The following SLC25A39 variants were observed in gnomAD, a reference collection of about 807,000 sequenced individuals.
SLC25A39 encodes solute carrier family 25 member 39.
Under a neutral mutation model 46.6 loss-of-function variants are expected in SLC25A39, and 44 were observed. The ratio of observed to expected loss-of-function variants is 0.94; its 90% CI spans 0.74 to 1.21. The LOEUF (loss-of-function observed/expected upper bound fraction) is 1.21, where lower values mean the gene tolerates loss of function less well. SLC25A39 is among the 50% of genes most tolerant of loss of function. The probability of loss-of-function intolerance (pLI) is 0.00; values close to 1 mark genes in which losing one functional copy is unlikely to be tolerated. For missense variants in SLC25A39, 487 were observed against 473.0 expected (o/e 1.03, Z -0.28); for synonymous variants, 218 against 190.6 (o/e 1.14, Z -1.19).
At position 44,323,254 on chromosome 17, in the gene SLC25A39, C is replaced by T. The variant is rs781225111; in HGVS notation, c.145+30G>A. 4 of 1,613,084 alleles carry T rather than the reference C, an allele frequency of 2.5e-6. No homozygotes were observed. The South Asian group carries it at 3.3e-5, about 13-fold the overall frequency. ...AGATCTTTCTTTTGCCCAGGCACCACCCCTCACTAGTTCCAGGTCAGGTAC... is the reference window on the plus strand; with the variant it reads ...AGATCTTTCTTTTGCCCAGGCACCATCCCTCACTAGTTCCAGGTCAGGTAC... On this transcript the variant is annotated intron_variant, in intron 3 of 11. Coordinates refer to ENST00000377095, the MANE Select transcript of SLC25A39 (RefSeq NM_001143780.3).
At chr17:44,323,622 G>A (rs2048132483) in intron 1 of SLC25A39, 45 bp from the exon 2 acceptor site, 1 of 1,400,050 alleles carries the variant, frequency 7.1e-7, no homozygotes, top group Non-Finnish European at 9.8e-7. Flanking sequence ...GGGATGGCAG[G>A]AAAGGAGGCT....
At chr17:44,322,250 A>G (rs1358079244) in intron 5 of SLC25A39, among the ~76,000 whole-genome samples, 169 bp downstream of exon 5, 1 of 152,170 alleles carries the variant, frequency 6.6e-6, no homozygotes, top group Non-Finnish European at 1.5e-5. Flanking sequence ...CTCTGTCTAA[A>G]AGAAAACAAA....
In SLC25A39 at chr17:44,323,547, G is replaced by C; in HGVS notation, c.16C>G (p.Pro6Ala). 1.9e-6 allele frequency: 3 copies of C among 1,572,846 alleles called. No homozygotes were observed. Among genetic ancestry groups the C allele is most frequent in the Non-Finnish European group, 2.6e-6 (3 of 1,159,252 alleles). The change falls in exon 2 of 12, where the codon CCT (proline) becomes GCT (alanine). Residue 6 changes from proline (P) to alanine (A), a missense_variant. Coordinates refer to ENST00000377095, the MANE Select transcript of SLC25A39 (RefSeq NM_001143780.3). ...TGCTGGAGGGGGCTGATGCCCGCAG[G>C]GTCCTGGTCAGCCATCTTGAAGCTT... MADQDPAGISPLQQMV... is the reference protein window; with the variant it reads MADQDAAGISPLQQMV...
At position 44,320,282 on chromosome 17, in the gene SLC25A39, A is replaced by C; in HGVS notation, c.884-6T>G. The C allele has an allele frequency of 6.2e-7, 1 of 1,613,664 alleles. No individual in the cohort carries two copies. The highest frequency in any genetic ancestry group is 2.2e-5 in the East Asian group (1 of 44,880). On this transcript the variant is annotated splice_region_variant and splice_polypyrimidine_tract_variant and intron_variant, in intron 10 of 11. Transcript: ENST00000377095. ...GTCCACATGCAGGGGGTTCACTGCA[A>C]ACGCGAGGCCGGCTCAGTGAGACCC...
chr17:44,323,438 C>CG, intron 2 of SLC25A39, 40 bp downstream of exon 2: 4 of 1,257,694 alleles, frequency 3.2e-6, no homozygotes, highest in Non-Finnish European at 4.4e-6. Context: ...CGGTCTGCCC[C>CG]ATCCCCACCC....
Position 44,322,539 on chromosome 17 carries a change from G to A in SLC25A39, c.204C>T (p.Leu68=). 5 of 1,614,136 alleles carry A rather than the reference G, an allele frequency of 3.1e-6. No homozygotes were observed. The highest frequency in any genetic ancestry group is 3.4e-6 in the Non-Finnish European group (4 of 1,180,002). ...SLSYTKLPSS[L]QSTGKCLLYC... ...ACAGGAGGCACTTCCCTGTGGATTG[G>A]AGAGAGGAGGGCACTGGGGAAAGGC... Residue 68 remains leucine (L), a synonymous_variant, in exon 5 of 12, where the codon CTC becomes CTT. Coordinates refer to ENST00000377095, the MANE Select transcript of SLC25A39 (RefSeq NM_001143780.3).
rs958077220 is a variant in SLC25A39 at position 44,323,166 on chromosome 17, A to G, written c.145+118T>C. 1.6e-5 allele frequency: 20 copies of G among 1,240,342 alleles called. No homozygotes were observed. In the Middle Eastern group the frequency reaches 7.6e-4, roughly 47 times the overall value. 76.8% of individuals were successfully genotyped at this position (1,240,342 alleles called of 1,614,324 possible). A position where few individuals can be genotyped will look rare whatever the true frequency, so the allele number is the denominator to read the frequency against. ...TTGAACTCCTGATCTCAGGTGATCCACCCACCTCAGCCTCCCAAAGCGCTG... is the reference window on the plus strand; with the variant it reads ...TTGAACTCCTGATCTCAGGTGATCCGCCCACCTCAGCCTCCCAAAGCGCTG... On this transcript the variant is annotated intron_variant, in intron 3 of 11. Transcript: ENST00000377095.
rs369428471 is a variant in SLC25A39 at position 44,322,390 on chromosome 17, G to A, written c.324+29C>T. 4.3e-5 allele frequency: 69 copies of A among 1,613,370 alleles called. 1 individual carries two copies. The highest frequency in any genetic ancestry group is 1.6e-4 in the East Asian group (7 of 44,900). On this transcript the variant is annotated intron_variant, in intron 5 of 11. Coordinates refer to ENST00000377095, the MANE Select transcript of SLC25A39 (RefSeq NM_001143780.3). Reference sequence around the variant, plus strand: ...GACCGAACTCCTCACGGACACCGACGAATCCCTACGGACCCAGCTGCTCCT... The same window carrying A: ...GACCGAACTCCTCACGGACACCGACAAATCCCTACGGACCCAGCTGCTCCT...
rs149738856 is a variant in SLC25A39 at position 44,320,641 on chromosome 17, G to A, written c.782C>T (p.Ala261Val). ...ACTCACCGTCCCTGAGATGCCACCA[G>A]CCACAAAGCTCATGCCCACAGAAGT... is the stretch of plus-strand genomic sequence containing the variant. Reference protein sequence around the residue: ...DQTSVGMSFVAGGISGTVAAV... With the variant: ...DQTSVGMSFVVGGISGTVAAV... Residue 261 changes from alanine to valine, a missense_variant, in exon 9 of 12, where the codon GCT (alanine) becomes GTT (valine). Transcript: ENST00000377095. 3.9e-5 allele frequency: 63 copies of A among 1,613,952 alleles called. No individual in the cohort carries two copies. Among genetic ancestry groups the A allele is most frequent in the Non-Finnish European group, 5.1e-5 (60 of 1,179,996 alleles).
chr17:44,320,175 C>G, intron 11 of SLC25A39, 21 bp downstream of exon 11: 1 of 1,614,008 alleles, frequency 6.2e-7, no homozygotes, highest in South Asian at 1.1e-5. Flanking sequence ...ATGCCCCCAC[C>G]CCCGACACCC....
At position 44,321,418 on chromosome 17, in the gene SLC25A39, C is replaced by T. The variant is rs367853463; in HGVS notation, c.517+16G>A. 6.2e-7 allele frequency: 1 copy of T among 1,613,404 alleles called. No homozygotes were observed. Among genetic ancestry groups the T allele is most frequent in the Non-Finnish European group, 8.5e-7 (1 of 1,179,874 alleles). ...GTGGGGACAGAGGGAGGTCAAAGGC[C>T]CAAGACTATGCTCACGGCGGGCCAG... On this transcript the variant is annotated intron_variant, in intron 7 of 11. Transcript: ENST00000377095.
intron 7 of SLC25A39, 79 bp from the exon 8 acceptor site, chr17:44,321,310 G>C: frequency 1.3e-6 from 2 of 1,580,614 alleles, no homozygotes; most frequent in Non-Finnish European, 1.7e-6. Flanking sequence ...GCTGTCCCAG[G>C]TCTGGGGACC....
Position 44,321,107 on chromosome 17 carries a change from T to A in SLC25A39, c.642A>T (p.Ser214=), listed in dbSNP as rs777169596. The change falls in exon 8 of 12, where the codon TCA becomes TCT. Residue 214 remains serine (S), a synonymous_variant. Transcript: ENST00000377095. ...RTAVAQGGWR[S]LWLGWGPTAL... Reference sequence around the variant, plus strand: ...CAGTGGGGCCCCAGCCCAGCCACAGTGAGCGCCAGCCACCCTGAGCCACTG... The same window carrying A: ...CAGTGGGGCCCCAGCCCAGCCACAGAGAGCGCCAGCCACCCTGAGCCACTG... The A allele has an allele frequency of 1.9e-6, 3 of 1,612,050 alleles. No individual in the cohort carries two copies. The highest frequency in any genetic ancestry group is 4.5e-5 in the East Asian group (2 of 44,868).
intron 8 of SLC25A39, 135 bp from the exon 9 acceptor site, chr17:44,320,866 T>C: frequency 2.1e-6 from 2 of 956,482 alleles, no homozygotes; most frequent in Non-Finnish European, 3.1e-6. Context: ...GCAGGCACTC[T>C]GTAGGAATTA....
chr17:44,323,685 G>T, intron 1 of SLC25A39, 108 bp from the exon 2 acceptor site: 1 of 760,438 alleles, frequency 1.3e-6, no homozygotes, highest in Non-Finnish European at 2.1e-6. Context: ...GCGCACTGTT[G>T]CCAGGCTGGA....
intron 2 of SLC25A39, 24 bp from the exon 3 acceptor site, chr17:44,323,367 G>A: frequency 6.2e-7 from 1 of 1,606,788 alleles, no homozygotes; most frequent in Non-Finnish European, 8.5e-7. Flanking sequence ...CGGGTCTGAA[G>A]GCTCCTTTCA....
rs1017863505 is a variant in SLC25A39, at chr17:44,323,474, T to A, written c.85+4A>T. On this transcript the variant is annotated splice_donor_region_variant and intron_variant, in intron 2 of 11. Transcript: ENST00000377095. ...GCCCCCACCCCACCTCCCCTAGGTC[T>A]TACTGAAGAGAGAGGTAACCACAGC... 1 of 1,116,420 alleles carries A rather than the reference T, an allele frequency of 9.0e-7. No individual in the cohort carries two copies. The highest frequency in any genetic ancestry group is 2.4e-5 in the Admixed American group (1 of 42,244). The allele number at this position is 1,116,420 out of a possible 1,614,324, so 69.2% of individuals were successfully genotyped here.
At chr17:44,322,627 G>A (rs2048085782) in intron 4 of SLC25A39, 75 bp from the exon 5 acceptor site, 6 of 1,579,740 alleles carry the variant, frequency 3.8e-6, no homozygotes, top group South Asian at 1.1e-5. Context: ...CCTATCCCTG[G>A]AAGGCCAGTA....
chr17:44,319,855 G>A lies in SLC25A39; in HGVS notation c.*146C>T, dbSNP rs1479792804. On this transcript the variant is annotated 3_prime_UTR_variant, in exon 12 of 12. Transcript: ENST00000377095. ...CTGAGGAAGTGCTGGGCCGCCCAGAGGGACAGCCCTGCCCTGGAGCTTGTC... is the reference window on the plus strand; with the variant it reads ...CTGAGGAAGTGCTGGGCCGCCCAGAAGGACAGCCCTGCCCTGGAGCTTGTC... 4 of 699,076 alleles carry A rather than the reference G, an allele frequency of 5.7e-6. No homozygotes were observed. Among genetic ancestry groups the A allele is most frequent in the African/African-American group, 5.4e-5 (3 of 55,794 alleles). The allele number at this position is 699,076 out of a possible 1,614,324, so 43.3% of individuals were successfully genotyped here. A position where few individuals can be genotyped will look rare whatever the true frequency, so the allele number is the denominator to read the frequency against.
Sources: gnomAD v4.1 joint callset for allele counts (sites outside exome capture counted in the v4.1 genomes callset) on GRCh38, gnomAD v4.1.1 for gene constraint, MANE v1.5 for transcripts, NCBI Gene and HGNC (gene_info 2026-07-23, HGNC 2026-07-21) for gene names.